The following MMP24 variants were observed in gnomAD, a reference collection of about 807,000 sequenced individuals.
MMP24 encodes the protein matrix metalloproteinase-24.
MMP24 carries 25 observed loss-of-function variants against 62.8 expected under a neutral mutation model. The ratio of observed to expected loss-of-function variants is 0.40; its 90% CI spans 0.29 to 0.56. The LOEUF is 0.56. MMP24 is among the 20% of genes least tolerant of loss of function. MMP24 has a pLI of 0.50. For synonymous variants in MMP24, 319 were observed against 350.5 expected (o/e 0.91, Z 1.00); for missense variants, 634 against 853.6 (o/e 0.74, Z 3.21).
intron 5 of MMP24, 49 bp from the exon 6 acceptor site, chr20:35,267,156 G>A (rs2060639793): frequency 6.9e-7 from 1 of 1,452,476 alleles, no homozygotes; most frequent in African/African-American, 1.4e-5. Context: ...CTGGCAATGG[G>A]AGGCGGGAAA....
rs1299125602 is a variant in MMP24, at chr20:35,260,424, T to TGTTCCCTG, written c.818-3360_818-3353dup. Among the ~76,000 whole-genome samples, 3 of 152,248 alleles carry TGTTCCCTG rather than the reference T, an allele frequency of 2.0e-5. No individual in the cohort carries two copies. In the East Asian group the frequency reaches 5.8e-4, roughly 29 times the overall value. ...GAGTCTCCCACAGTGCTCAGAGCCG[T>TGTTCCCTG]GTTCCCTGGTTCCCAGCTGAGCTCC... On this transcript the variant is annotated intron_variant, in intron 4 of 8. Transcript: ENST00000246186.
chr20:35,276,003 G>A lies in MMP24; in HGVS notation c.*1394G>A, dbSNP rs975560303. 5 of 398,534 alleles carry A rather than the reference G, an allele frequency of 1.3e-5. No homozygotes were observed. The highest frequency in any genetic ancestry group is 2.1e-5 in the African/African-American group (1 of 48,610). The allele number at this position is 398,534 out of a possible 1,614,324, so 24.7% of individuals were successfully genotyped here. A position where few individuals can be genotyped will look rare whatever the true frequency, so the allele number is the denominator to read the frequency against. ...TGAGGAGCCCTAGACAAGGCCAATG[G>A]GTTCATCAATGCCCACTGGCTCTCT... On this transcript the variant is annotated 3_prime_UTR_variant, in exon 9 of 9. Transcript: ENST00000246186.
chr20:35,253,621 T>C (rs1415571213), intron 3 of MMP24, among the ~76,000 whole-genome samples: 1 of 152,114 alleles, frequency 6.6e-6, no homozygotes, highest in Non-Finnish European at 1.5e-5. Flanking sequence ...AACGTTGTTT[T>C]GTGAAGAACC....
intron 1 of MMP24, among the ~76,000 whole-genome samples, chr20:35,232,272 C>T (rs1482145767): frequency 6.6e-6 from 1 of 152,130 alleles, no homozygotes; most frequent in Non-Finnish European, 1.5e-5. Flanking sequence ...AAATGCCTAG[C>T]CCTATAGTAT....
intron 1 of MMP24, among the ~76,000 whole-genome samples, chr20:35,240,649 T>C (rs1302840535): frequency 3.3e-5 from 5 of 152,190 alleles, no homozygotes; most frequent in African/African-American, 4.8e-5. Flanking sequence ...TCACAATAGA[T>C]TGAATTTCAG....
At chr20:35,236,829 C>G (rs2146202812) in intron 1 of MMP24, among the ~76,000 whole-genome samples, 1 of 152,068 alleles carries the variant, frequency 6.6e-6, no homozygotes, top group Non-Finnish European at 1.5e-5. Flanking sequence ...CAAAAATTAG[C>G]CGGGCATGGT....
intron 1 of MMP24, among the ~76,000 whole-genome samples, chr20:35,239,575 C>A (rs2060478673): frequency 6.6e-6 from 1 of 152,168 alleles, no homozygotes. Flanking sequence ...AATCCCAGCA[C>A]TTTATGAGGC....
At chr20:35,246,707 GAAAA>G in intron 1 of MMP24, 129 bp from the exon 2 acceptor site, 1 of 1,040,626 alleles carries the variant, frequency 9.6e-7, no homozygotes, top group Non-Finnish European at 1.4e-6. Context: ...TGGGGTGAAG[GAAAA>G]AGAACTCAGA....
At chr20:35,261,784 C>T (rs919251334) in intron 4 of MMP24, among the ~76,000 whole-genome samples, 17 of 150,858 alleles carry the variant, frequency 1.1e-4, no homozygotes, top group African/African-American at 4.2e-4. Flanking sequence ...CTCCCTCCAC[C>T]TCAGGGCATC....
At chr20:35,240,498 A>G (rs1015663831) in intron 1 of MMP24, among the ~76,000 whole-genome samples, 1 of 152,128 alleles carries the variant, frequency 6.6e-6, no homozygotes, top group Non-Finnish European at 1.5e-5. Flanking sequence ...CTGATGATTG[A>G]TTAATGGATC....
chr20:35,245,071 G>C (rs1031588637), intron 1 of MMP24, among the ~76,000 whole-genome samples: 4 of 152,040 alleles, frequency 2.6e-5, no homozygotes, highest in Non-Finnish European at 5.9e-5. Flanking sequence ...CTGTGGCCCA[G>C]CCTGGAGTAC....
chr20:35,241,693 G>T (rs1450620369), intron 1 of MMP24, among the ~76,000 whole-genome samples: 1 of 152,196 alleles, frequency 6.6e-6, no homozygotes, highest in Non-Finnish European at 1.5e-5. Flanking sequence ...CGTAAACCAG[G>T]TTGCCAGCTT....
intron 1 of MMP24, among the ~76,000 whole-genome samples, chr20:35,232,893 G>A (rs2060444244): frequency 6.6e-6 from 1 of 152,124 alleles, no homozygotes; most frequent in Non-Finnish European, 1.5e-5. Context: ...GGAGGGACTG[G>A]AGTTTGTTCC....
At position 35,269,790 on chromosome 20, in the gene MMP24, C is replaced by T. The variant is rs1370501262; in HGVS notation, c.1225C>T (p.Arg409Ter). Residue 409 changes from arginine to a stop codon, truncating the protein, a stop_gained, in exon 7 of 9, where the codon CGA becomes TGA. Coordinates refer to ENST00000246186, the MANE Select transcript of MMP24 (RefSeq NM_006690.4). LOFTEE classifies it high-confidence loss of function. The surrounding 1 kb of genome is among the most constrained non-coding windows in gnomAD (Gnocchi z 4.6). ...CTGGTTCTGGCGTCTGCGCAATAACCGAGTGCAGGAGGGCTACCCCATGCA... is the reference window on the plus strand; with the variant it reads ...CTGGTTCTGGCGTCTGCGCAATAACTGAGTGCAGGAGGGCTACCCCATGCA... ...DRWFWRLRNN[R>*]VQEGYPMQIE... 1 of 1,572,190 alleles carries T rather than the reference C, an allele frequency of 6.4e-7. No homozygotes were observed. Among genetic ancestry groups the T allele is most frequent in the Non-Finnish European group, 8.6e-7 (1 of 1,158,994 alleles).
chr20:35,274,654 C>T lies in MMP24; in HGVS notation c.*45C>T, dbSNP rs2060693710. 11 of 1,483,124 alleles carry T rather than the reference C, an allele frequency of 7.4e-6. No individual in the cohort carries two copies. Among genetic ancestry groups the T allele is most frequent in the Non-Finnish European group, 9.1e-6 (10 of 1,097,728 alleles). 91.9% of individuals were successfully genotyped at this position (1,483,124 alleles called of 1,614,324 possible). Reference sequence around the variant, plus strand: ...ATCCACTTGGTCTGGCCAGCCAGGCCCTTCCTCACCAGGGTCTGAGGGGCA... The same window carrying T: ...ATCCACTTGGTCTGGCCAGCCAGGCTCTTCCTCACCAGGGTCTGAGGGGCA... On this transcript the variant is annotated 3_prime_UTR_variant, in exon 9 of 9. Coordinates refer to ENST00000246186, the MANE Select transcript of MMP24 (RefSeq NM_006690.4). The surrounding 1 kb of genome is among the most constrained non-coding windows in gnomAD (Gnocchi z 5.1).
intron 6 of MMP24, among the ~76,000 whole-genome samples, chr20:35,268,163 G>C (rs967108262): frequency 6.6e-6 from 1 of 152,148 alleles, no homozygotes; most frequent in Non-Finnish European, 1.5e-5. Context: ...GCCTACGTTG[G>C]GTCCAAAATA....
intron 6 of MMP24, among the ~76,000 whole-genome samples, chr20:35,268,298 G>A (rs2060646867): frequency 6.6e-6 from 1 of 152,218 alleles, no homozygotes; most frequent in Non-Finnish European, 1.5e-5. Flanking sequence ...CTGCCTGCTG[G>A]CCACACTGCT....
chr20:35,229,732 G>A (rs769730631), intron 1 of MMP24, among the ~76,000 whole-genome samples: 13 of 152,042 alleles, frequency 8.6e-5, no homozygotes, highest in Middle Eastern at 3.4e-3. Context: ...TATTGATAAC[G>A]CATCCTTACT....
chr20:35,271,460 C>T lies in MMP24; in HGVS notation c.1334-109C>T, dbSNP rs1385645652. 14 of 1,387,004 alleles carry T rather than the reference C, an allele frequency of 1.0e-5. No individual in the cohort carries two copies. Among genetic ancestry groups the T allele is most frequent in the Middle Eastern group, 1.9e-4 (1 of 5,376 alleles). The allele number at this position is 1,387,004 out of a possible 1,614,324, so 85.9% of individuals were successfully genotyped here. ...GGCTTCGTGCCCTTCCCAACTCTAA[C>T]TGGGCCAAGGGGCTGAGGGCATCAG... On this transcript the variant is annotated intron_variant, in intron 7 of 8. Coordinates refer to ENST00000246186, the MANE Select transcript of MMP24 (RefSeq NM_006690.4). The surrounding 1 kb of genome is among the most constrained non-coding windows in gnomAD (Gnocchi z 4.0).
Sources: allele counts gnomAD v4.1 joint callset (sites outside exome capture counted in the v4.1 genomes callset), GRCh38; gene constraint gnomAD v4.1.1; non-coding constraint Gnocchi (gnomAD v3.1); transcripts MANE v1.5; gene names NCBI Gene and HGNC (gene_info 2026-07-23, HGNC 2026-07-21).